The following MTSS1 variants were observed in gnomAD, a reference collection of about 807,000 sequenced individuals.
MTSS1 encodes protein MTSS 1.
In MTSS1, 18 loss-of-function variants were observed where a neutral mutation model predicts 79.0. The ratio of observed to expected loss-of-function variants is 0.23; its 90% CI spans 0.16 to 0.34. The LOEUF is 0.34. MTSS1 is among the 10% of genes least tolerant of loss of function. The pLI, the probability that MTSS1 is intolerant of heterozygous loss-of-function variation, is 1.00. For missense variants in MTSS1, 815 were observed against 986.2 expected (o/e 0.83, Z 2.33); for synonymous variants, 341 against 368.6 (o/e 0.93, Z 0.86).
chr8:124,595,582 CCTT>C (rs1832618462), intron 3 of MTSS1, among the ~76,000 whole-genome samples: 2 of 152,172 alleles, frequency 1.3e-5, no homozygotes, highest in Admixed American at 1.3e-4. Flanking sequence ...TTTCCTGCCT[CCTT>C]CTTATGAGAA....
chr8:124,564,109 A>G (rs1324822483), intron 9 of MTSS1, among the ~76,000 whole-genome samples: 1 of 148,592 alleles, frequency 6.7e-6, no homozygotes, highest in Non-Finnish European at 1.5e-5. Flanking sequence ...CCACCTGGAC[A>G]ACAGAACGAG....
chr8:124,596,145 T>C (rs1050225999), intron 3 of MTSS1, among the ~76,000 whole-genome samples: 7 of 152,180 alleles, frequency 4.6e-5, no homozygotes, highest in African/African-American at 1.7e-4. Flanking sequence ...GAACCTGCTC[T>C]TCCTCTGGGC....
intron 9 of MTSS1, chr8:124,564,627 C>A (rs764754564): frequency 6.6e-6 from 1 of 151,412 alleles, no homozygotes; most frequent in African/African-American, 2.4e-5. Flanking sequence ...AAAACAGCCA[C>A]GCAACTTTGT....
intron 3 of MTSS1, among the ~76,000 whole-genome samples, chr8:124,694,449 C>T (rs1362881258): frequency 6.6e-6 from 1 of 151,748 alleles, no homozygotes; most frequent in African/African-American, 2.4e-5. Flanking sequence ...AAATGGATCC[C>T]AGGCAGACTA....
chr8:124,684,138 A>C (rs186405716), intron 3 of MTSS1, among the ~76,000 whole-genome samples: 104 of 152,302 alleles, frequency 6.8e-4, no homozygotes, highest in African/African-American at 2.2e-3. Context: ...ACTGTAAGCT[A>C]CTTTGCATTC....
chr8:124,660,432 GCACA>G (rs5894719), intron 3 of MTSS1, among the ~76,000 whole-genome samples: 4,121 of 140,710 alleles, frequency 0.029, 102 homozygotes, highest in African/African-American at 0.071. Context: ...CCATGCGCAT[GCACA>G]CACACACACA....
intron 3 of MTSS1, among the ~76,000 whole-genome samples, chr8:124,598,161 G>A (rs982870672): frequency 7.9e-5 from 12 of 152,184 alleles, no homozygotes; most frequent in Non-Finnish European, 1.0e-4. Flanking sequence ...TGGGTGTGGC[G>A]GTGTATGCCT....
rs182738285 is a variant in MTSS1 at position 124,656,300 on chromosome 8, T to C, written c.208+43226A>G. ...AGGCTGAACTGGCAAGGAGGACAGG[T>C]GTAGAGCTAGGGAGACCAGCTTGCA... On this transcript the variant is annotated intron_variant, in intron 3 of 13. Coordinates refer to ENST00000518547, the MANE Select transcript of MTSS1 (RefSeq NM_014751.6). Among the ~76,000 whole-genome samples the C allele has an allele frequency of 3.3e-5, 5 of 152,198 alleles. No individual in the cohort carries two copies. In the East Asian group the frequency reaches 9.7e-4, roughly 29 times the overall value.
intron 3 of MTSS1, among the ~76,000 whole-genome samples, chr8:124,657,806 A>C (rs1821245546): frequency 6.6e-6 from 1 of 152,170 alleles, no homozygotes; most frequent in African/African-American, 2.4e-5. Context: ...CAAGCTGTTA[A>C]ATTACAGCAA....
chr8:124,557,522 TC>T (rs574523730), intron 11 of MTSS1, among the ~76,000 whole-genome samples, 158 bp downstream of exon 11: 10 of 151,932 alleles, frequency 6.6e-5, no homozygotes, highest in Admixed American at 6.6e-4. Context: ...TTTCTGCTTC[TC>T]CCCCAATGGG....
At chr8:124,688,330 G>T (rs913688772) in intron 3 of MTSS1, among the ~76,000 whole-genome samples, 1 of 90,142 alleles carries the variant, frequency 1.1e-5, no homozygotes, top group Non-Finnish European at 2.2e-5. Flanking sequence ...ACATGTGTAC[G>T]TCTGTGTGTA....
chr8:124,675,443 G>A (rs1331607055), intron 3 of MTSS1, among the ~76,000 whole-genome samples: 1 of 152,106 alleles, frequency 6.6e-6, no homozygotes, highest in African/African-American at 2.4e-5. Flanking sequence ...TGATGAATAG[G>A]GTGTACCATA....
chr8:124,591,435 GTATCACCAAAAC>G (rs984213790), intron 3 of MTSS1, among the ~76,000 whole-genome samples, 200 bp from the exon 4 acceptor site: 3 of 152,202 alleles, frequency 2.0e-5, no homozygotes, highest in Admixed American at 2.0e-4. Flanking sequence ...ACAGATTTCT[GTATCACCAAAAC>G]TATCACCAAA....
In MTSS1 at chr8:124,618,511, G is replaced by A. The variant is rs1812843732; in HGVS notation, c.209-27276C>T. Reference sequence around the variant, plus strand: ...CTGCAGTTGACAAAACTAATACTTGGGCAGCTGGCAGAGTAGACTCGGTGA... The same window carrying A: ...CTGCAGTTGACAAAACTAATACTTGAGCAGCTGGCAGAGTAGACTCGGTGA... On this transcript the variant is annotated intron_variant, in intron 3 of 13. Transcript: ENST00000518547. Among the ~76,000 whole-genome samples, 4 of 152,122 alleles carry A rather than the reference G, an allele frequency of 2.6e-5. No homozygotes were observed. The South Asian group carries it at 8.3e-4, about 32-fold the overall frequency.
At chr8:124,622,406 G>A (rs903408716) in intron 3 of MTSS1, among the ~76,000 whole-genome samples, 1 of 149,016 alleles carries the variant, frequency 6.7e-6, no homozygotes, top group African/African-American at 2.5e-5. Context: ...TAATGTGCAT[G>A]AGGACTCCTA....
chr8:124,557,894 AGG>A lies in MTSS1; in HGVS notation c.1036-21_1036-20del. On this transcript the variant is annotated intron_variant, in intron 10 of 13. Transcript: ENST00000518547. ...TAGACAACTGGAAACAAACAAAAAA[AGG>A]GGGGGGGAAGGAAAAAAAATTAATA... 2.0e-6 allele frequency: 3 copies of A among 1,490,768 alleles called. No individual in the cohort carries two copies. Among genetic ancestry groups the A allele is most frequent in the Non-Finnish European group, 2.7e-6 (3 of 1,095,836 alleles). 92.3% of individuals were successfully genotyped at this position (1,490,768 alleles called of 1,614,324 possible).
chr8:124,632,298 A>AAAAAAAG, intron 3 of MTSS1, among the ~76,000 whole-genome samples: 1 of 149,272 alleles, frequency 6.7e-6, no homozygotes, highest in Non-Finnish European at 1.5e-5. Flanking sequence ...AAAAAAAAAA[A>AAAAAAAG]GGTAAGGAAC....
intron 3 of MTSS1, among the ~76,000 whole-genome samples, chr8:124,608,833 G>A (rs115413680): frequency 5.1e-4 from 77 of 152,248 alleles, no homozygotes; most frequent in African/African-American, 1.5e-3. Flanking sequence ...TGCTACAACC[G>A]CAGGACAGTG....
intron 5 of MTSS1, among the ~76,000 whole-genome samples, chr8:124,588,846 T>C (rs368292437): frequency 6.7e-6 from 1 of 150,024 alleles, no homozygotes; most frequent in African/African-American, 2.5e-5. Flanking sequence ...TCCCGAGTAG[T>C]TGGGATTACA....
Sources: allele counts gnomAD v4.1 joint callset (sites outside exome capture counted in the v4.1 genomes callset), GRCh38; gene constraint gnomAD v4.1.1; transcripts MANE v1.5; gene names NCBI Gene and HGNC (gene_info 2026-07-23, HGNC 2026-07-21).